CACNA2D3: variants seen among roughly 807,000 people sequenced by gnomAD.
CACNA2D3 encodes calcium voltage-gated channel auxiliary subunit alpha2delta 3.
CACNA2D3 carries 60 observed loss-of-function variants against 160.6 expected under a neutral mutation model. The observed-to-expected ratio is 0.37, with a 90% CI of 0.30 to 0.46. CACNA2D3 has a LOEUF of 0.46. CACNA2D3 is among the 20% of genes least tolerant of loss of function. The pLI is 1.00. For missense variants in CACNA2D3, 1,205 were observed against 1,365.0 expected (o/e 0.88, Z 1.85); for synonymous variants, 558 against 492.9 (o/e 1.13, Z -1.75).
At chr3:54,378,662 C>G (rs1699049980) in intron 3 of CACNA2D3, among the ~76,000 whole-genome samples, 1 of 152,204 alleles carries the variant, frequency 6.6e-6, no homozygotes, top group Non-Finnish European at 1.5e-5. Flanking sequence ...ATAATCAACT[C>G]TAAAACATTC....
intron 17 of CACNA2D3, among the ~76,000 whole-genome samples, chr3:54,855,856 G>A (rs1020314233): frequency 6.6e-6 from 1 of 152,154 alleles, no homozygotes; most frequent in East Asian, 1.9e-4. Context: ...CCACTGCTGG[G>A]TGTGGCTCTG....
intron 5 of CACNA2D3, among the ~76,000 whole-genome samples, chr3:54,533,521 GATGGGGTTTTGCC>G (rs1701837836): frequency 6.6e-6 from 1 of 151,872 alleles, no homozygotes; most frequent in Non-Finnish European, 1.5e-5. Flanking sequence ...TTTTAATAGC[GATGGGGTTTTGCC>G]ATGTTTGCCA....
chr3:54,911,637 G>A (rs1242735304), intron 27 of CACNA2D3, among the ~76,000 whole-genome samples: 3 of 151,920 alleles, frequency 2.0e-5, no homozygotes, highest in Non-Finnish European at 4.4e-5. Context: ...TCAGTGGGCC[G>A]CTCCACTTTC....
chr3:54,257,026 CCA>C lies in CACNA2D3; in HGVS notation c.205-63414_205-63413del, dbSNP rs199575875. On this transcript the variant is annotated intron_variant, in intron 2 of 37. Coordinates refer to ENST00000474759, the MANE Select transcript of CACNA2D3 (RefSeq NM_018398.3). ...TACAGTTAGCAGGGTCTACTTATGA[CCA>C]CTGAAGCAGAAATGCAGATTCAATG... 7.9e-3 allele frequency among the ~76,000 whole-genome samples: 1,203 copies of C among 152,302 alleles called. 25 individuals carry two copies. The highest frequency in any genetic ancestry group is 0.036 in the Admixed American group (558 of 15,294).
intron 11 of CACNA2D3, among the ~76,000 whole-genome samples, chr3:54,706,269 G>C (rs1700856404): frequency 6.6e-6 from 1 of 152,150 alleles, no homozygotes; most frequent in Non-Finnish European, 1.5e-5. Context: ...GTTCTCTTCT[G>C]GGGATCAACA....
intron 27 of CACNA2D3, among the ~76,000 whole-genome samples, chr3:54,906,315 A>T (rs1324460959): frequency 1.3e-5 from 2 of 152,096 alleles, no homozygotes; most frequent in Non-Finnish European, 2.9e-5. Context: ...GGATTAAGAG[A>T]TGAAATGTGG....
At chr3:54,943,643 A>C (rs1299071656) in intron 27 of CACNA2D3, among the ~76,000 whole-genome samples, 1 of 151,922 alleles carries the variant, frequency 6.6e-6, no homozygotes, top group African/African-American at 2.4e-5. Flanking sequence ...ACTCATCTTA[A>C]ATTTTCCCCC....
chr3:54,178,010 A>G (rs141487012), intron 2 of CACNA2D3: 123 of 152,240 alleles, frequency 8.1e-4, no homozygotes, highest in African/African-American at 2.9e-3. Context: ...TCTGACGATC[A>G]TTTTCAAGGC....
intron 4 of CACNA2D3, among the ~76,000 whole-genome samples, chr3:54,452,699 C>A (rs1230973578): frequency 6.6e-6 from 1 of 152,112 alleles, no homozygotes; most frequent in African/African-American, 2.4e-5. Context: ...AACAAAATAC[C>A]ACAAAGTTGT....
At chr3:54,325,926 T>G (rs1704112360) in intron 3 of CACNA2D3, among the ~76,000 whole-genome samples, 1 of 152,032 alleles carries the variant, frequency 6.6e-6, no homozygotes, top group African/African-American at 2.4e-5. Flanking sequence ...TTGAAAAGAG[T>G]GTTTTGCTTA....
chr3:54,815,803 T>C (rs1703434960), intron 13 of CACNA2D3, among the ~76,000 whole-genome samples: 1 of 152,238 alleles, frequency 6.6e-6, no homozygotes, highest in South Asian at 2.1e-4. Context: ...AAAGACGTAA[T>C]ACAGTGCCTG....
chr3:54,915,891 G>A (rs973136669), intron 27 of CACNA2D3, among the ~76,000 whole-genome samples: 7 of 152,164 alleles, frequency 4.6e-5, no homozygotes, highest in Non-Finnish European at 2.9e-5. Context: ...AAGTCTGTTT[G>A]CCTGAGTTAT....
chr3:54,654,265 C>T (rs1409227809), intron 11 of CACNA2D3, among the ~76,000 whole-genome samples: 4 of 152,002 alleles, frequency 2.6e-5, no homozygotes, highest in African/African-American at 9.7e-5. Context: ...ATAGGTGGCT[C>T]ATAGATCATA....
rs143427112 is a variant in CACNA2D3 at position 54,874,839 on chromosome 3, C to T, written c.1710+3217C>T. ...GTCCTTGAAGACTCTATTTCAGTGACGCATAGTATATGGGTTATCCTCCTC... is the reference window on the plus strand; with the variant it reads ...GTCCTTGAAGACTCTATTTCAGTGATGCATAGTATATGGGTTATCCTCCTC... On this transcript the variant is annotated intron_variant, in intron 18 of 37. Coordinates refer to ENST00000474759, the MANE Select transcript of CACNA2D3 (RefSeq NM_018398.3). 6.6e-4 allele frequency: 101 copies of T among 152,280 alleles called. 1 individual carries two copies. The highest frequency in any genetic ancestry group is 2.0e-3 in the African/African-American group (82 of 41,570). The allele number at this position is 152,280 out of a possible 1,614,324, so 9.4% of individuals were successfully genotyped here.
At chr3:54,999,867 T>C (rs1023232064) in intron 31 of CACNA2D3, among the ~76,000 whole-genome samples, 1 of 152,208 alleles carries the variant, frequency 6.6e-6, no homozygotes, top group Admixed American at 6.6e-5. Flanking sequence ...TGTCATGAGT[T>C]TGTCATCCAA....
At chr3:54,695,615 A>G (rs2106939550) in intron 11 of CACNA2D3, among the ~76,000 whole-genome samples, 1 of 152,304 alleles carries the variant, frequency 6.6e-6, no homozygotes, top group East Asian at 1.9e-4. Context: ...ATGAACTTTT[A>G]AAAAACCTTA....
chr3:55,000,700 G>C (rs1702963122), intron 31 of CACNA2D3, among the ~76,000 whole-genome samples: 1 of 152,182 alleles, frequency 6.6e-6, no homozygotes, highest in African/African-American at 2.4e-5. Flanking sequence ...CCTGCCATCT[G>C]TCAGAGTGGT....
chr3:54,555,056 T>C (rs564737470), intron 5 of CACNA2D3, among the ~76,000 whole-genome samples: 1 of 152,078 alleles, frequency 6.6e-6, no homozygotes, highest in South Asian at 2.1e-4. Flanking sequence ...TTGTATTTTC[T>C]GTAGAGATGG....
intron 11 of CACNA2D3, among the ~76,000 whole-genome samples, chr3:54,652,685 G>A (rs1394600626): frequency 6.6e-6 from 1 of 152,090 alleles, no homozygotes; most frequent in Non-Finnish European, 1.5e-5. Context: ...GTGATAGGAA[G>A]GCTGGCAGCA....
Sources: gnomAD v4.1 joint callset for allele counts (sites outside exome capture counted in the v4.1 genomes callset) on GRCh38, gnomAD v4.1.1 for gene constraint, MANE v1.5 for transcripts, NCBI Gene and HGNC (gene_info 2026-07-23, HGNC 2026-07-21) for gene names.